BANK1: variants seen among roughly 807,000 people sequenced by gnomAD.
The protein encoded by BANK1 is B cell scaffold protein with ankyrin repeats 1.
Under a neutral mutation model 94.5 loss-of-function variants are expected in BANK1, and 95 were observed. The observed-to-expected ratio is 1.00, with a 90% CI of 0.85 to 1.19. BANK1 has a LOEUF of 1.19. BANK1 is among the 50% of genes most tolerant of loss of function. The probability of loss-of-function intolerance (pLI) is 0.00; values close to 1 mark genes in which losing one functional copy is unlikely to be tolerated. For missense variants in BANK1, 987 were observed against 932.2 expected, an observed-to-expected ratio of 1.06 and a Z score of -0.77; for synonymous variants, 334 against 308.4, an observed-to-expected ratio of 1.08 and a Z score of -0.87.
chr4:102,042,405 G>A lies in BANK1; in HGVS notation c.1901-1434G>A, dbSNP rs943930522. Among the ~76,000 whole-genome samples the A allele has an allele frequency of 5.9e-5, 9 of 152,104 alleles. No homozygotes were observed. In the South Asian group the frequency reaches 8.3e-4, roughly 14 times the overall value. On this transcript the variant is annotated intron_variant, in intron 10 of 16. Coordinates refer to ENST00000322953, the MANE Select transcript of BANK1 (RefSeq NM_017935.5). Reference sequence around the variant, plus strand: ...TTTTCAACCAAAAATATGATTTTATGTGTATACTTTTTCTCAAACACGTCA... The same window carrying A: ...TTTTCAACCAAAAATATGATTTTATATGTATACTTTTTCTCAAACACGTCA...
At chr4:101,940,997 T>C (rs1380774824) in intron 7 of BANK1, among the ~76,000 whole-genome samples, 2 of 151,884 alleles carry the variant, frequency 1.3e-5, no homozygotes, top group African/African-American at 2.4e-5. Context: ...GTGGAATCCT[T>C]CTACACAGGA....
At chr4:102,007,067 T>TATATATATATA (rs1239442739) in intron 7 of BANK1, among the ~76,000 whole-genome samples, 1 of 97,294 alleles carries the variant, frequency 1.0e-5, no homozygotes, top group African/African-American at 4.2e-5. Flanking sequence ...AATATATAAT[T>TATATATATATA]TTATATATAT....
chr4:101,961,431 A>G (rs775151133), intron 7 of BANK1, among the ~76,000 whole-genome samples: 9 of 152,198 alleles, frequency 5.9e-5, no homozygotes, highest in Non-Finnish European at 1.0e-4. Context: ...CTAAGCTGCC[A>G]ACTTGGAAAG....
Position 101,797,702 on chromosome 4 carries a change from G to C in BANK1, c.70+6752G>C, listed in dbSNP as rs530993452. On this transcript the variant is annotated intron_variant, in intron 1 of 16. Transcript: ENST00000322953. ...GTCATTTACTCCATTGGAAAGGAGT[G>C]AAGGAACAAGAGGACACCGGGAGGG... is the stretch of plus-strand genomic sequence containing the variant. 2.6e-5 allele frequency among the ~76,000 whole-genome samples: 4 copies of C among 152,270 alleles called. No individual in the cohort carries two copies. In the South Asian group the frequency reaches 8.3e-4, roughly 32 times the overall value.
chr4:102,006,980 AAAAG>A (rs941042627), intron 7 of BANK1, among the ~76,000 whole-genome samples: 6 of 145,716 alleles, frequency 4.1e-5, no homozygotes, highest in African/African-American at 7.5e-5. Flanking sequence ...AAAGTAAAAA[AAAAG>A]AAAGGAAGCA....
At chr4:101,794,016 A>G (rs1725074797) in intron 1 of BANK1, among the ~76,000 whole-genome samples, 1 of 152,140 alleles carries the variant, frequency 6.6e-6, no homozygotes, top group Non-Finnish European at 1.5e-5. Flanking sequence ...GGCCTCTTGT[A>G]TAAAGATACT....
chr4:101,794,444 A>C (rs1361184424), intron 1 of BANK1, among the ~76,000 whole-genome samples: 1 of 152,160 alleles, frequency 6.6e-6, no homozygotes, highest in Non-Finnish European at 1.5e-5. Context: ...AGTTACACTT[A>C]TTAATTTACT....
chr4:102,010,664 A>G (rs1192798473), intron 7 of BANK1, among the ~76,000 whole-genome samples: 2 of 152,190 alleles, frequency 1.3e-5, no homozygotes, highest in African/African-American at 4.8e-5. Flanking sequence ...AAGGCCTGGG[A>G]TTACAGGCAT....
rs74724168 is a variant in BANK1 at position 102,006,030 on chromosome 4, A to G, written c.1207-15484A>G. Among the ~76,000 whole-genome samples the G allele has an allele frequency of 4.8e-3, 725 of 152,144 alleles. 13 individuals are homozygous for G. In the East Asian group the frequency reaches 0.055, roughly 12 times the overall value. On this transcript the variant is annotated intron_variant, in intron 7 of 16. Coordinates refer to ENST00000322953, the MANE Select transcript of BANK1 (RefSeq NM_017935.5). ...CAGGTATTGGGGCACAAGAACTACA[A>G]TGCAGTTTCAGAGATTAGCATACAC...
intron 1 of BANK1, among the ~76,000 whole-genome samples, chr4:101,818,872 A>ATTTTTTTTTTTTTTTT (rs70964193): frequency 7.3e-6 from 1 of 136,156 alleles, no homozygotes. Context: ...AGATTACTGT[A>ATTTTTTTTTTTTTTTT]TTTTTTTTTT....
At chr4:101,985,768 C>T (rs548371188) in intron 7 of BANK1, among the ~76,000 whole-genome samples, 2 of 152,170 alleles carry the variant, frequency 1.3e-5, no homozygotes, top group Admixed American at 1.3e-4. Flanking sequence ...TAAAAATCTA[C>T]ATTCAACATC....
At chr4:102,007,416 A>C (rs1030225431) in intron 7 of BANK1, among the ~76,000 whole-genome samples, 1 of 151,530 alleles carries the variant, frequency 6.6e-6, no homozygotes, top group Non-Finnish European at 1.5e-5. Context: ...TCAGTGCTAA[A>C]AGTTTAAATT....
rs773587809 is a variant in BANK1 at position 101,829,987 on chromosome 4, A to T, written c.250A>T (p.Ile84Leu). The change falls in exon 2 of 17, where the codon ATA becomes TTA. Residue 84 changes from isoleucine to leucine, a missense_variant. Coordinates refer to ENST00000322953, the MANE Select transcript of BANK1 (RefSeq NM_017935.5). ...AACGTCTTACAAATGTAAACTTTTG[A>T]TATTATCAAATAGCCTGCTTAGAGA... ...NLTSYKCKLLILSNSLLRDLT... is the reference protein window; with the variant it reads ...NLTSYKCKLLLLSNSLLRDLT... The T allele has an allele frequency of 1.2e-6, 2 of 1,613,352 alleles. No individual in the cohort carries two copies. Among genetic ancestry groups the T allele is most frequent in the Non-Finnish European group, 8.5e-7 (1 of 1,179,762 alleles).
chr4:101,928,947 A>G (rs559268437), intron 7 of BANK1, among the ~76,000 whole-genome samples: 7 of 151,750 alleles, frequency 4.6e-5, no homozygotes, highest in Admixed American at 4.6e-4. Context: ...ATTTTGAGAA[A>G]CTGAGGCTAA....
chr4:101,952,086 A>G (rs546583294), intron 7 of BANK1, among the ~76,000 whole-genome samples: 1 of 151,878 alleles, frequency 6.6e-6, no homozygotes, highest in African/African-American at 2.4e-5. Context: ...AAATGCATAA[A>G]TAAATAAATA....
chr4:102,028,109 T>C (rs1460316383), intron 9 of BANK1, among the ~76,000 whole-genome samples: 4 of 152,162 alleles, frequency 2.6e-5, no homozygotes, highest in African/African-American at 7.2e-5. Flanking sequence ...TTATTTCTAG[T>C]GCAAGCCCAA....
intron 1 of BANK1, among the ~76,000 whole-genome samples, chr4:101,819,734 A>G (rs751684466): frequency 6.6e-6 from 1 of 152,216 alleles, no homozygotes; most frequent in Non-Finnish European, 1.5e-5. Context: ...CATTGTGTCT[A>G]TGCTGCAGAA....
At chr4:101,967,038 C>A (rs1305092231) in intron 7 of BANK1, among the ~76,000 whole-genome samples, 1 of 152,018 alleles carries the variant, frequency 6.6e-6, no homozygotes, top group Admixed American at 6.6e-5. Flanking sequence ...ACTCGTTAGT[C>A]CAATTTATTA....
At chr4:101,951,498 T>C (rs1458830975) in intron 7 of BANK1, among the ~76,000 whole-genome samples, 1 of 152,092 alleles carries the variant, frequency 6.6e-6, no homozygotes, top group Non-Finnish European at 1.5e-5. Flanking sequence ...AAAGCTGAAA[T>C]ACTTTATAAC....
Sources: gnomAD v4.1 joint callset for allele counts (sites outside exome capture counted in the v4.1 genomes callset) on GRCh38, gnomAD v4.1.1 for gene constraint, MANE v1.5 for transcripts, NCBI Gene and HGNC (gene_info 2026-07-23, HGNC 2026-07-21) for gene names.